Variants in GON4L observed in about 807,000 individuals in gnomAD.
GON4L encodes GON-4-like protein.
A neutral mutation model predicts 211.8 loss-of-function variants in GON4L; 87 were observed. The observed-to-expected ratio is 0.41, with a 90% CI of 0.35 to 0.49. The LOEUF (loss-of-function observed/expected upper bound fraction) is 0.49. Ranked by LOEUF, GON4L falls within the 20% of genes least tolerant of loss-of-function variation. The probability of loss-of-function intolerance (pLI) is 0.15; values close to 1 mark genes in which losing one functional copy is unlikely to be tolerated. For missense variants in GON4L, 2,155 were observed against 2,659.5 expected (o/e 0.81, Z 4.17); for synonymous variants, 875 against 962.6 (o/e 0.91, Z 1.68).
At position 155,766,220 on chromosome 1, in the gene GON4L, G is replaced by A. The variant is rs267598069; in HGVS notation, c.3253C>T (p.Leu1085=). The A allele has an allele frequency of 1.2e-6, 2 of 1,614,186 alleles. No individual in the cohort carries two copies. Among genetic ancestry groups the A allele is most frequent in the Non-Finnish European group, 1.7e-6 (2 of 1,180,038 alleles). Residue 1085 remains leucine, a synonymous_variant, in exon 21 of 32, where the codon CTG becomes TTG. Coordinates refer to ENST00000368331, the MANE Select transcript of GON4L (RefSeq NM_001282860.2). ...VPPEARTSFP[L]SESQTLLSSA... The stretch of plus-strand genomic sequence containing the variant: ...GAGAGCAAAGTCTGGGACTCAGACA[G>A]AGGGAAGCTTGTCCTGGCCTCAGGG...
chr1:155,856,075 G>A (rs1672254027), intron 1 of GON4L, among the ~76,000 whole-genome samples: 1 of 150,364 alleles, frequency 6.7e-6, no homozygotes, highest in South Asian at 2.1e-4. Context: ...GCCGCCTTGT[G>A]TTAGATCACT....
chr1:155,754,524 G>GTTTTTTTTTTTTTT (rs760971402), intron 27 of GON4L, 36 bp from the exon 28 acceptor site: 1 of 373,068 alleles, frequency 2.7e-6, no homozygotes, highest in Non-Finnish European at 4.5e-6. Context: ...CTGCCAAGTT[G>GTTTTTTTTTTTTTT]TTTTTTTTTT....
intron 2 of GON4L, chr1:155,831,412 T>C (rs1669752481): frequency 6.6e-6 from 1 of 152,022 alleles, no homozygotes; most frequent in Admixed American, 6.6e-5. Flanking sequence ...ATTGTGCTAC[T>C]GCACTCTAGC....
At chr1:155,784,147 A>G (rs1664694821) in intron 13 of GON4L, 58 bp from the exon 14 acceptor site, 4 of 1,596,730 alleles carry the variant, frequency 2.5e-6, no homozygotes, top group Non-Finnish European at 2.6e-6. Flanking sequence ...ATGTTGCTCC[A>G]GTATTGGGAA....
downstream of GON4L, chr1:155,749,200 C>G: frequency 7.6e-7 from 1 of 1,316,086 alleles, no homozygotes; most frequent in Non-Finnish European, 1.1e-6. Context: ...TGCAGTGAGC[C>G]GAGATCACAC....
At chr1:155,750,804 C>G in intron 31 of GON4L, 71 bp from the exon 32 acceptor site, 1 of 1,438,462 alleles carries the variant, frequency 7.0e-7, no homozygotes, top group South Asian at 1.2e-5. Context: ...CTCTCTGTTG[C>G]TGAGACTGGA....
intron 11 of GON4L, among the ~76,000 whole-genome samples, chr1:155,800,850 G>GA (rs751271183): frequency 0.021 from 1,037 of 48,672 alleles, 8 homozygotes; most frequent in East Asian, 0.092. Flanking sequence ...CTCTGTCTCA[G>GA]AAAAAAAAAA....
At chr1:155,797,548 C>T (rs1452462029) in intron 11 of GON4L, among the ~76,000 whole-genome samples, 2 of 150,932 alleles carry the variant, frequency 1.3e-5, no homozygotes, top group Non-Finnish European at 2.9e-5. Context: ...TATAAACAGA[C>T]ATATACAGCC....
chr1:155,852,372 C>A (rs893201409), intron 2 of GON4L, among the ~76,000 whole-genome samples: 1 of 152,092 alleles, frequency 6.6e-6, no homozygotes, highest in African/African-American at 2.4e-5. Flanking sequence ...TAGTCTCCCC[C>A]TTTAAGCTGC....
At chr1:155,794,752 G>T (rs1665915958) in intron 12 of GON4L, among the ~76,000 whole-genome samples, 1 of 151,980 alleles carries the variant, frequency 6.6e-6, no homozygotes, top group Non-Finnish European at 1.5e-5. Flanking sequence ...AACTTTTTCT[G>T]TTTCTATCAC....
At chr1:155,757,348 A>T (rs1268426607) in intron 25 of GON4L, 25 bp from the exon 26 acceptor site, 1 of 1,610,542 alleles carries the variant, frequency 6.2e-7, no homozygotes. Context: ...AGAGGGAAAG[A>T]GGAAGTCTCC....
chr1:155,775,167 G>A lies in GON4L; in HGVS notation c.2185C>T (p.Leu729=). The change falls in exon 17 of 32, where the codon CTG becomes TTG. Residue 729 remains leucine (L), a synonymous_variant. Coordinates refer to ENST00000368331, the MANE Select transcript of GON4L (RefSeq NM_001282860.2). ...ATGGAGCTTTGAGCAAAGGTTCCCA[G>A]CTCTTTCTGGGAAAACAGGACACAA... is the stretch of plus-strand genomic sequence containing the variant. ...ATTTRIFLKE[L]GTFAQSSIAL... The A allele has an allele frequency of 6.2e-7, 1 of 1,614,154 alleles. No homozygotes were observed. The highest frequency in any genetic ancestry group is 1.6e-4 in the Middle Eastern group (1 of 6,062).
At chr1:155,785,423 ATAAGGAG>A (rs1277816897) in intron 12 of GON4L, 49 bp from the exon 13 acceptor site, 1 of 1,219,408 alleles carries the variant, frequency 8.2e-7, no homozygotes, top group South Asian at 1.2e-5. Flanking sequence ...AGATTTTACA[ATAAGGAG>A]GAATTCCATG....
chr1:155,776,438 T>G lies in GON4L; in HGVS notation c.2135A>C (p.Asn712Thr), dbSNP rs181638451. The change falls in exon 16 of 32, where the codon AAC becomes ACC. Residue 712 changes from asparagine (N) to threonine (T), a missense_variant. Asn to Thr is a moderately conservative substitution (Grantham distance 65). Transcript: ENST00000368331. ...AGTGGCCTCCGGATTGAGGTTGGGG[T>G]TGCAGGTGGCAAGAAGGTGGATTTG... ...LTQIHLLATCNPNLNPEATTT... is the reference protein window; with the variant it reads ...LTQIHLLATCTPNLNPEATTT... 484 of 1,613,558 alleles carry G rather than the reference T, an allele frequency of 3.0e-4. 5 individuals are homozygous for G. The Admixed American group carries it at 8.0e-3, about 27-fold the overall frequency.
intron 15 of GON4L, among the ~76,000 whole-genome samples, chr1:155,776,717 ATTTATT>A (rs1663860506): frequency 6.6e-6 from 1 of 151,666 alleles, no homozygotes; most frequent in African/African-American, 2.4e-5. Flanking sequence ...TGCCTGGCTA[ATTTATT>A]TTTATTTTTT....
At chr1:155,826,732 G>A (rs1304001463) in intron 3 of GON4L, 105 bp downstream of exon 3, 22 of 781,164 alleles carry the variant, frequency 2.8e-5, no homozygotes, top group Non-Finnish European at 3.9e-5. Flanking sequence ...TATTAAATTT[G>A]TAAAAATATA....
intron 2 of GON4L, among the ~76,000 whole-genome samples, chr1:155,827,485 A>G (rs949828613): frequency 2.6e-5 from 4 of 152,138 alleles, no homozygotes; most frequent in African/African-American, 9.7e-5. Flanking sequence ...AACACTTCAT[A>G]AACACTCCCT....
intron 2 of GON4L, among the ~76,000 whole-genome samples, chr1:155,828,833 A>C (rs1292247138): frequency 6.7e-6 from 1 of 149,924 alleles, no homozygotes; most frequent in East Asian, 2.0e-4. Flanking sequence ...AAAAAATGGT[A>C]AACATCAGAA....
At chr1:155,785,423 A>G in intron 12 of GON4L, 49 bp from the exon 13 acceptor site, 8 of 1,219,408 alleles carry the variant, frequency 6.6e-6, no homozygotes, top group Non-Finnish European at 9.8e-6. Context: ...AGATTTTACA[A>G]TAAGGAGGAA....
Sources: gnomAD v4.1 joint callset for allele counts (sites outside exome capture counted in the v4.1 genomes callset) on GRCh38, gnomAD v4.1.1 for gene constraint, MANE v1.5 for transcripts, NCBI Gene and HGNC (gene_info 2026-07-23, HGNC 2026-07-21) for gene names.